The following ABCG2 variants were observed in gnomAD, a reference collection of about 807,000 sequenced individuals.
ABCG2 encodes the protein broad substrate specificity ATP-binding cassette transporter ABCG2.
ABCG2 carries 80 observed loss-of-function variants against 73.5 expected under a neutral mutation model. The observed-to-expected ratio is 1.09, with a 90% CI of 0.91 to 1.31. ABCG2 has a LOEUF of 1.31. Among genes scored for constraint, ABCG2 ranks in the 50% most tolerant of loss-of-function variants. The pLI, the probability that ABCG2 is intolerant of heterozygous loss-of-function variation, is 0.00. For missense variants in ABCG2, 796 were observed against 786.2 expected, an observed-to-expected ratio of 1.01 and a Z score of -0.15; for synonymous variants, 269 against 282.4, an observed-to-expected ratio of 0.95 and a Z score of 0.48.
At position 88,121,639 on chromosome 4, in the gene ABCG2, T is replaced by C; in HGVS notation, c.685A>G (p.Lys229Glu). 1 of 1,613,520 alleles carries C rather than the reference T, an allele frequency of 6.2e-7. No individual in the cohort carries two copies. Reference protein sequence around the residue: ...STANAVLLLLKRMSKQGRTII... With the variant: ...STANAVLLLLERMSKQGRTII... Reference sequence around the variant, plus strand: ...TAATGTTTCCAGAGCATTTACCTTTTCAGGAGCAAAAGGACAGCATTTGCT... The same window carrying C: ...TAATGTTTCCAGAGCATTTACCTTTCCAGGAGCAAAAGGACAGCATTTGCT... Residue 229 changes from lysine (K) to glutamate (E), a missense_variant, in exon 6 of 16, where the codon AAA becomes GAA. By Grantham distance (56) the Lys-to-Glu change is moderately conservative. Transcript: ENST00000237612.
chr4:88,136,582 G>A (rs760997449), intron 2 of ABCG2, among the ~76,000 whole-genome samples: 8 of 152,164 alleles, frequency 5.3e-5, no homozygotes, highest in East Asian at 3.9e-4. Context: ...GGCATGTGCC[G>A]GTGGTCCCAG....
chr4:88,157,953 T>C (rs1578243042), intron 1 of ABCG2, among the ~76,000 whole-genome samples: 1 of 152,196 alleles, frequency 6.6e-6, no homozygotes, highest in African/African-American at 2.4e-5. Flanking sequence ...TTTAAAGGGA[T>C]TGACCAATAA....
chr4:88,121,429 C>G lies in ABCG2; in HGVS notation c.689+206G>C, dbSNP rs575707882. 6.6e-5 allele frequency among the ~76,000 whole-genome samples: 10 copies of G among 152,162 alleles called. No individual in the cohort carries two copies. The East Asian group carries it at 1.5e-3, about 24-fold the overall frequency. On this transcript the variant is annotated intron_variant, in intron 6 of 15. Coordinates refer to ENST00000237612, the MANE Select transcript of ABCG2 (RefSeq NM_004827.3). ...GACAGCAGCAAAACAGGCCCAACCC[C>G]CCTACACCCTCATCACAGACATCCT...
At chr4:88,219,211 T>A (rs940027013) in intron 1 of ABCG2, among the ~76,000 whole-genome samples, 1 of 152,206 alleles carries the variant, frequency 6.6e-6, no homozygotes, top group Non-Finnish European at 1.5e-5. Context: ...TAACACAACC[T>A]CCAGGTGGAG....
intron 1 of ABCG2, among the ~76,000 whole-genome samples, chr4:88,207,106 C>T (rs1405393399): frequency 6.6e-6 from 1 of 152,160 alleles, no homozygotes; most frequent in South Asian, 2.1e-4. Flanking sequence ...CAAAGCAGTG[C>T]ATTTTTATGC....
chr4:88,161,328 G>A (rs1474987895), upstream of ABCG2, among the ~76,000 whole-genome samples: 8 of 91,786 alleles, frequency 8.7e-5, no homozygotes, highest in South Asian at 4.5e-4. Context: ...CCCCTCCCCC[G>A]ACCCCACCAC....
intron 1 of ABCG2, among the ~76,000 whole-genome samples, chr4:88,208,829 A>C (rs1445341518): frequency 2.0e-5 from 3 of 152,142 alleles, no homozygotes; most frequent in Admixed American, 6.5e-5. Flanking sequence ...TTTTCTCCAA[A>C]CTTGTGGTAT....
chr4:88,113,481 G>C lies in ABCG2; in HGVS notation c.1016C>G (p.Ser339Cys). Residue 339 changes from serine to cysteine, a missense_variant, in exon 9 of 16, where the codon TCC becomes TGC. Coordinates refer to ENST00000237612, the MANE Select transcript of ABCG2 (RefSeq NM_004827.3). Reference protein sequence around the residue: ...IEKLAEIYVNSSFYKETKAEL... With the variant: ...IEKLAEIYVNCSFYKETKAEL... ...AGCTTTTGTCTCTTTGTAGAAGGAG[G>C]AGTTGACATAAATCTCCGCTAATTT... 1.2e-6 allele frequency: 2 copies of C among 1,614,082 alleles called. No homozygotes were observed. Among genetic ancestry groups the C allele is most frequent in the Non-Finnish European group, 1.7e-6 (2 of 1,180,018 alleles).
chr4:88,182,393 C>T (rs1346169560), intron 1 of ABCG2, among the ~76,000 whole-genome samples: 1 of 152,150 alleles, frequency 6.6e-6, no homozygotes, highest in Admixed American at 6.5e-5. Context: ...GCACAATACA[C>T]CAAATGAAAC....
At chr4:88,211,358 G>GCCCC (rs1264405228) in intron 1 of ABCG2, among the ~76,000 whole-genome samples, 78 of 33,620 alleles carry the variant, frequency 2.3e-3, no homozygotes, top group Non-Finnish European at 2.9e-3. Flanking sequence ...TTCAACCCCT[G>GCCCC]CCCCACCCCC....
rs867937528 is a variant in ABCG2, at chr4:88,092,036, G to A, written c.*198C>T. The A allele has an allele frequency of 2.0e-5, 10 of 504,188 alleles. No individual in the cohort carries two copies. The highest frequency in any genetic ancestry group is 9.5e-5 in the South Asian group (3 of 31,478). 31.2% of individuals were successfully genotyped at this position (504,188 alleles called of 1,614,324 possible). On this transcript the variant is annotated 3_prime_UTR_variant, in exon 16 of 16. Transcript: ENST00000237612. ...TGTCTGAGGAGATTAACTAATATGC[G>A]ATACATGATGTCTTGGGTTCTTTCA...
intron 1 of ABCG2, among the ~76,000 whole-genome samples, chr4:88,198,252 G>A (rs1412112598): frequency 2.6e-5 from 4 of 151,944 alleles, no homozygotes; most frequent in Admixed American, 2.0e-4. Flanking sequence ...AGAATAGCTT[G>A]AACCCAGGAG....
At chr4:88,144,870 T>C (rs1560711676) in intron 1 of ABCG2, among the ~76,000 whole-genome samples, 2 of 152,154 alleles carry the variant, frequency 1.3e-5, no homozygotes, top group African/African-American at 4.8e-5. Flanking sequence ...TTTTACTCTT[T>C]ATCAAACTCT....
intron 5 of ABCG2, among the ~76,000 whole-genome samples, chr4:88,123,940 G>A (rs954153896): frequency 6.6e-6 from 1 of 152,190 alleles, no homozygotes; most frequent in Non-Finnish European, 1.5e-5. Flanking sequence ...ACAAAGGGAA[G>A]CCTATCAGAC....
intron 1 of ABCG2, among the ~76,000 whole-genome samples, chr4:88,229,567 G>A (rs1031755313): frequency 7.2e-5 from 11 of 152,240 alleles, no homozygotes; most frequent in African/African-American, 2.4e-4. Flanking sequence ...CTAGGAGAAC[G>A]CCCATGCATG....
At chr4:88,196,020 A>T (rs951673785) in intron 1 of ABCG2, among the ~76,000 whole-genome samples, 4 of 152,092 alleles carry the variant, frequency 2.6e-5, no homozygotes, top group African/African-American at 9.7e-5. Context: ...GTTTCTATCT[A>T]TTGGGAGACG....
intron 1 of ABCG2, among the ~76,000 whole-genome samples, chr4:88,214,134 C>G (rs1729711484): frequency 6.6e-6 from 1 of 151,466 alleles, no homozygotes; most frequent in Non-Finnish European, 1.5e-5. Context: ...ACTACAGGCG[C>G]ATACAACCAT....
rs569310717 is a variant in ABCG2 at position 88,132,600 on chromosome 4, C to T, written c.239G>A (p.Gly80Glu). ...CGAAGATTTGCCTCCACCTGTGGGT[C>T]CCAGGATGGCGTTGAGACCAGGTTT... ...IMKPGLNAIL[G>E]PTGGGKSSLL... The change falls in exon 3 of 16, where the codon GGA (glycine) becomes GAA (glutamate). Residue 80 changes from glycine (G) to glutamate (E), a missense_variant. By Grantham distance (98) the Gly-to-Glu change is moderately conservative. Coordinates refer to ENST00000237612, the MANE Select transcript of ABCG2 (RefSeq NM_004827.3). 1.4e-5 allele frequency: 23 copies of T among 1,614,144 alleles called. No individual in the cohort carries two copies. In the South Asian group the frequency reaches 1.9e-4, roughly 13 times the overall value.
intron 1 of ABCG2, among the ~76,000 whole-genome samples, chr4:88,213,849 AT>A (rs1729697026): frequency 6.6e-6 from 1 of 151,482 alleles, no homozygotes; most frequent in African/African-American, 2.4e-5. Flanking sequence ...TGCCCAGCTA[AT>A]TTTTTGTATT....
Sources: gnomAD v4.1 joint callset for allele counts (sites outside exome capture counted in the v4.1 genomes callset) on GRCh38, gnomAD v4.1.1 for gene constraint, MANE v1.5 for transcripts, NCBI Gene and HGNC (gene_info 2026-07-23, HGNC 2026-07-21) for gene names.